The following SLC25A42 variants were observed in gnomAD, a reference collection of about 807,000 sequenced individuals.
The protein encoded by SLC25A42 is mitochondrial coenzyme A transporter SLC25A42.
Under a neutral mutation model 34.7 loss-of-function variants are expected in SLC25A42, and 19 were observed. The observed-to-expected ratio is 0.55, with a 90% CI of 0.38 to 0.80. SLC25A42 has a LOEUF of 0.80. Ranked by LOEUF, SLC25A42 falls within the 30% of genes least tolerant of loss-of-function variation. SLC25A42 has a pLI of 0.00. For synonymous variants in SLC25A42, 205 were observed against 191.2 expected (o/e 1.07, Z -0.59); for missense variants, 364 against 441.3 (o/e 0.82, Z 1.57).
At chr19:19,104,083 A>G (rs1290084463) in intron 3 of SLC25A42, among the ~76,000 whole-genome samples, 1 of 151,198 alleles carries the variant, frequency 6.6e-6, no homozygotes, top group African/African-American at 2.4e-5. Context: ...ATTTTTTTGT[A>G]CTTTTTTTTA....
intron 1 of SLC25A42, among the ~76,000 whole-genome samples, chr19:19,087,236 G>A (rs563461020): frequency 2.6e-5 from 4 of 151,806 alleles, no homozygotes; most frequent in East Asian, 1.9e-4. Flanking sequence ...TGGTTTATTC[G>A]GTTATTCATG....
chr19:19,104,321 A>G (rs1568523178), intron 3 of SLC25A42, among the ~76,000 whole-genome samples: 1 of 150,262 alleles, frequency 6.7e-6, no homozygotes, highest in Non-Finnish European at 1.5e-5. Context: ...TGCACACACA[A>G]GTGGTGGGTG....
chr19:19,084,506 G>T (rs923122765), intron 1 of SLC25A42, among the ~76,000 whole-genome samples: 3 of 152,204 alleles, frequency 2.0e-5, no homozygotes, highest in African/African-American at 7.2e-5. Flanking sequence ...ACACAGATAG[G>T]AATCAATGAC....
At position 19,081,744 on chromosome 19, in the gene SLC25A42, G is replaced by A. The variant is rs765854853; in HGVS notation, c.-34-14347G>A. Among the ~76,000 whole-genome samples, 9 of 152,212 alleles carry A rather than the reference G, an allele frequency of 5.9e-5. No individual in the cohort carries two copies. Among genetic ancestry groups the A allele is most frequent in the African/African-American group, 1.9e-4 (8 of 41,464 alleles). ...CTGCAGCCTACCGTCCAGGCCCTAC[G>A]CTGTCACCCGAGTGGTCCCGTGGTG... is the stretch of plus-strand genomic sequence containing the variant. On this transcript the variant is annotated intron_variant, in intron 1 of 7. Coordinates refer to ENST00000318596, the MANE Select transcript of SLC25A42 (RefSeq NM_178526.5). The surrounding 1 kb of genome is among the most constrained non-coding windows in gnomAD (Gnocchi z 4.5).
At chr19:19,089,541 ATAAT>A (rs2059726863) in intron 1 of SLC25A42, among the ~76,000 whole-genome samples, 1 of 149,038 alleles carries the variant, frequency 6.7e-6, no homozygotes, top group Non-Finnish European at 1.5e-5. Flanking sequence ...AAAAATAATA[ATAAT>A]AATAATAATA....
At chr19:19,101,297 C>G (rs996411586) in intron 2 of SLC25A42, among the ~76,000 whole-genome samples, 1 of 152,184 alleles carries the variant, frequency 6.6e-6, no homozygotes, top group Non-Finnish European at 1.5e-5. Context: ...TCATAGATGC[C>G]TACCTCTGGA....
chr19:19,110,942 G>A lies in SLC25A42; in HGVS notation c.*66G>A, dbSNP rs910099620. 82 of 1,560,552 alleles carry A rather than the reference G, an allele frequency of 5.3e-5. No homozygotes were observed. Among genetic ancestry groups the A allele is most frequent in the Non-Finnish European group, 6.7e-5 (76 of 1,141,806 alleles). The stretch of plus-strand genomic sequence containing the variant: ...CTTTGTATTCTGGGCCCATGGAACG[G>A]TGGGGGGGTGCGCTTGATTCTACTT... On this transcript the variant is annotated 3_prime_UTR_variant, in exon 8 of 8. Coordinates refer to ENST00000318596, the MANE Select transcript of SLC25A42 (RefSeq NM_178526.5).
intron 2 of SLC25A42, among the ~76,000 whole-genome samples, chr19:19,098,321 G>A (rs2059776488): frequency 6.6e-6 from 1 of 152,232 alleles, no homozygotes; most frequent in Admixed American, 6.5e-5. Flanking sequence ...GCATTGGCCA[G>A]GCATGGTGAC....
intron 1 of SLC25A42, among the ~76,000 whole-genome samples, chr19:19,069,433 G>A (rs1397240370): frequency 2.0e-5 from 3 of 152,188 alleles, no homozygotes; most frequent in Non-Finnish European, 4.4e-5. Flanking sequence ...ACAAACTGGG[G>A]GGCTTCAGAC....
At chr19:19,074,023 G>T (rs115042925) in intron 1 of SLC25A42, among the ~76,000 whole-genome samples, 1,553 of 152,324 alleles carry the variant, frequency 0.01, 22 homozygotes, top group African/African-American at 0.023. Flanking sequence ...TAGGGCTTTT[G>T]AGGCGAGGAC....
At chr19:19,108,091 C>G (rs45585432) in intron 7 of SLC25A42, 46 bp downstream of exon 7, 47 of 1,521,460 alleles carry the variant, frequency 3.1e-5, no homozygotes, top group Non-Finnish European at 4.0e-5. Context: ...AGGAAGCATT[C>G]CCTGGGGACA....
chr19:19,099,003 A>G (rs769652708), intron 2 of SLC25A42, among the ~76,000 whole-genome samples: 5 of 152,226 alleles, frequency 3.3e-5, no homozygotes, highest in Non-Finnish European at 7.4e-5. Flanking sequence ...AGCAGGGTGC[A>G]GGGAGGCACT....
chr19:19,066,763 A>AT lies in SLC25A42; in HGVS notation c.-35+2651dup, dbSNP rs550524936. Among the ~76,000 whole-genome samples the AT allele has an allele frequency of 5.4e-4, 82 of 152,212 alleles. 1 individual carries two copies. In the East Asian group the frequency reaches 0.015, roughly 28 times the overall value. ...ACTGCGCCCAGCCACTGCAGCCCAT[A>AT]TTTAGCTTTTACAAACAGAGCTGCA... is the stretch of plus-strand genomic sequence containing the variant. On this transcript the variant is annotated intron_variant, in intron 1 of 7. Transcript: ENST00000318596.
intron 1 of SLC25A42, among the ~76,000 whole-genome samples, chr19:19,088,790 G>A (rs1344116500): frequency 6.6e-6 from 1 of 150,986 alleles, no homozygotes; most frequent in African/African-American, 2.5e-5. Context: ...GAGCCACTGC[G>A]CCCGGCCTTT....
chr19:19,107,807 G>C, intron 6 of SLC25A42, 87 bp from the exon 7 acceptor site: 4 of 1,452,468 alleles, frequency 2.8e-6, no homozygotes, highest in Non-Finnish European at 3.8e-6. Flanking sequence ...GGCCCAGCCG[G>C]CTTCGGGAGG....
chr19:19,107,316 C>CAAA (rs59963919), intron 6 of SLC25A42, among the ~76,000 whole-genome samples: 99,565 of 131,596 alleles, frequency 0.76, 38,154 homozygotes, highest in East Asian at 0.89. Context: ...ACCCTGTCTC[C>CAAA]AAAAAAAAAA....
At chr19:19,073,598 GAA>G (rs2059641378) in intron 1 of SLC25A42, among the ~76,000 whole-genome samples, 1 of 145,644 alleles carries the variant, frequency 6.9e-6, no homozygotes, top group South Asian at 2.2e-4. Flanking sequence ...TTTTTGAGTT[GAA>G]GTCTTTCACC....
chr19:19,100,069 C>T (rs879992628), intron 2 of SLC25A42, among the ~76,000 whole-genome samples: 1 of 151,678 alleles, frequency 6.6e-6, no homozygotes, highest in African/African-American at 2.4e-5. Context: ...CGGCCGGGCG[C>T]GGTGTCTCAT....
intron 1 of SLC25A42, among the ~76,000 whole-genome samples, chr19:19,079,021 TTTTA>T (rs1171580823): frequency 2.0e-5 from 3 of 151,758 alleles, no homozygotes; most frequent in Non-Finnish European, 2.9e-5. Context: ...ACTTTTATTT[TTTTA>T]TTTATTTTTA....
Sources: allele counts gnomAD v4.1 joint callset (sites outside exome capture counted in the v4.1 genomes callset), GRCh38; gene constraint gnomAD v4.1.1; non-coding constraint Gnocchi (gnomAD v3.1); transcripts MANE v1.5; gene names NCBI Gene and HGNC (gene_info 2026-07-23, HGNC 2026-07-21).